VWA3A: variants seen among roughly 807,000 people sequenced by gnomAD.
The protein encoded by VWA3A is von Willebrand factor A domain containing 3A, also known as von Willebrand factor A domain-containing protein 3A.
VWA3A carries 134 observed loss-of-function variants against 160.4 expected under a neutral mutation model. The ratio of observed to expected loss-of-function variants is 0.84; its 90% CI spans 0.73 to 0.96. The LOEUF is 0.96. VWA3A is among the 40% of genes least tolerant of loss of function. The pLI is 0.00. For synonymous variants in VWA3A, 476 were observed against 543.4 expected, an observed-to-expected ratio of 0.88 and a Z score of 1.72; for missense variants, 1,310 against 1,447.9, an observed-to-expected ratio of 0.90 and a Z score of 1.55.
intron 29 of VWA3A, 51 bp downstream of exon 29, chr16:22,149,982 C>T: frequency 6.5e-7 from 1 of 1,546,300 alleles, no homozygotes; most frequent in Non-Finnish European, 8.8e-7. Context: ...TACCATCATC[C>T]CCTATGCTGA....
intron 3 of VWA3A, among the ~76,000 whole-genome samples, chr16:22,099,218 G>A (rs748072171): frequency 1.3e-5 from 2 of 152,134 alleles, no homozygotes; most frequent in African/African-American, 2.4e-5. Context: ...CTAGATATGC[G>A]ACAGGGACCT....
At chr16:22,110,198 G>C (rs1196621939) in intron 7 of VWA3A, among the ~76,000 whole-genome samples, 2 of 152,212 alleles carry the variant, frequency 1.3e-5, no homozygotes, top group Non-Finnish European at 2.9e-5. Flanking sequence ...GTTGCCATAA[G>C]GGTAAAAGGA....
intron 1 of VWA3A, among the ~76,000 whole-genome samples, chr16:22,096,103 G>A (rs78772535): frequency 6.6e-6 from 1 of 152,098 alleles, no homozygotes; most frequent in Non-Finnish European, 1.5e-5. Flanking sequence ...GGATGCTACT[G>A]ATATCTAATA....
chr16:22,137,393 G>A (rs557481463), intron 21 of VWA3A, among the ~76,000 whole-genome samples: 43 of 152,320 alleles, frequency 2.8e-4, no homozygotes, highest in African/African-American at 9.6e-4. Context: ...GCCCACAAGT[G>A]GAGGCCACAG....
chr16:22,141,753 CA>C, intron 24 of VWA3A, 61 bp downstream of exon 24: 2 of 1,444,680 alleles, frequency 1.4e-6, no homozygotes, highest in Admixed American at 4.0e-5. Context: ...GCTGTAAGGG[CA>C]GCAGGTACCG....
At chr16:22,093,475 C>T (rs199908282) in intron 1 of VWA3A, among the ~76,000 whole-genome samples, 12 of 152,110 alleles carry the variant, frequency 7.9e-5, no homozygotes, top group African/African-American at 1.2e-4. Context: ...GAAAGGGCTG[C>T]GTCCTGTTCA....
intron 32 of VWA3A, 69 bp downstream of exon 32, chr16:22,155,733 G>A (rs1032022956): frequency 1.2e-5 from 20 of 1,601,124 alleles, no homozygotes; most frequent in East Asian, 2.2e-5. Context: ...GGACCCCATC[G>A]AGAAGGGCCG....
chr16:22,152,024 C>G (rs1330562396), intron 30 of VWA3A, among the ~76,000 whole-genome samples: 1 of 152,196 alleles, frequency 6.6e-6, no homozygotes, highest in Non-Finnish European at 1.5e-5. Flanking sequence ...GCCTGGCCAA[C>G]ATGGCGAAAC....
chr16:22,132,298 G>A (rs917556456), intron 19 of VWA3A, among the ~76,000 whole-genome samples: 5 of 151,648 alleles, frequency 3.3e-5, no homozygotes, highest in Non-Finnish European at 7.4e-5. Context: ...CAGGAGAATC[G>A]CTTGAACCTG....
chr16:22,101,174 T>C (rs902230317), intron 5 of VWA3A, among the ~76,000 whole-genome samples: 1 of 151,942 alleles, frequency 6.6e-6, no homozygotes, highest in Non-Finnish European at 1.5e-5. Context: ...GGAGGATCAC[T>C]TGAGCCCAGA....
rs1209244052 is a variant in VWA3A, at chr16:22,117,093, C to T, written c.925-18C>T. ...GGTGTTGCCCTAGTGAGGCCTGACC[C>T]TGGCCTCATCCCTGCAGGCTGTCCT... On this transcript the variant is annotated intron_variant, in intron 10 of 33. Coordinates refer to ENST00000389398, the MANE Select transcript of VWA3A (RefSeq NM_173615.5). The T allele has an allele frequency of 1.9e-6, 3 of 1,571,184 alleles. No individual in the cohort carries two copies. The East Asian group carries it at 7.1e-5, about 37-fold the overall frequency.
chr16:22,150,819 A>G lies in VWA3A; in HGVS notation c.3254A>G (p.His1085Arg), dbSNP rs754069861. 115 of 1,613,464 alleles carry G rather than the reference A, an allele frequency of 7.1e-5. No homozygotes were observed. The highest frequency in any genetic ancestry group is 1.6e-4 in the Middle Eastern group (1 of 6,084). Residue 1085 changes from histidine (H) to arginine (R), a missense_variant, in exon 30 of 34, where the codon CAC (histidine) becomes CGC (arginine). Transcript: ENST00000389398. ...KLREKRDVKV[H>R]TISLNCSDRA... is the part of the protein sequence containing the mutation. Reference sequence around the variant, plus strand: ...AGGGAGAAAAGAGATGTGAAAGTGCACACCATTTCCTTGAACTGCTCAGAC... The same window carrying G: ...AGGGAGAAAAGAGATGTGAAAGTGCGCACCATTTCCTTGAACTGCTCAGAC...
chr16:22,116,953 C>G (rs2045659232), intron 10 of VWA3A, 86 bp downstream of exon 10: 1 of 1,437,432 alleles, frequency 7.0e-7, no homozygotes, highest in Non-Finnish European at 9.7e-7. Flanking sequence ...CTTGGACAGG[C>G]CCCCGAGCTG....
chr16:22,144,627 A>G (rs978250456), intron 26 of VWA3A, among the ~76,000 whole-genome samples: 2 of 152,048 alleles, frequency 1.3e-5, no homozygotes, highest in Non-Finnish European at 2.9e-5. Context: ...ATTATAAACA[A>G]TTGCCGAGGC....
intron 5 of VWA3A, among the ~76,000 whole-genome samples, chr16:22,102,437 C>T (rs751448268): frequency 4.6e-5 from 7 of 152,172 alleles, no homozygotes; most frequent in Admixed American, 2.6e-4. Flanking sequence ...CTATCTACCA[C>T]CCACTGCCCC....
intron 29 of VWA3A, 123 bp downstream of exon 29, chr16:22,150,054 T>C: frequency 7.6e-7 from 1 of 1,322,756 alleles, no homozygotes; most frequent in African/African-American, 1.5e-5. Context: ...ACTACATCAT[T>C]TCATCTTCCC....
chr16:22,115,907 A>G (rs1205040183), intron 9 of VWA3A, among the ~76,000 whole-genome samples: 19 of 33,856 alleles, frequency 5.6e-4, no homozygotes, highest in South Asian at 2.6e-3. Context: ...GGAAGGAAGG[A>G]AGGAAGGAAG....
chr16:22,103,622 T>A (rs2045441376), intron 6 of VWA3A, 93 bp downstream of exon 6: 1 of 1,430,242 alleles, frequency 7.0e-7, no homozygotes, highest in African/African-American at 1.4e-5. Flanking sequence ...ACCTCCAATA[T>A]AAATTGCTTA....
chr16:22,140,120 A>T, intron 22 of VWA3A, 34 bp from the exon 23 acceptor site: 1 of 1,598,692 alleles, frequency 6.3e-7, no homozygotes, highest in South Asian at 1.1e-5. Context: ...CACAGGGAAC[A>T]CTCCTCTGAT....
Sources: gnomAD v4.1 joint callset for allele counts (sites outside exome capture counted in the v4.1 genomes callset) on GRCh38, gnomAD v4.1.1 for gene constraint, MANE v1.5 for transcripts, NCBI Gene and HGNC (gene_info 2026-07-23, HGNC 2026-07-21) for gene names.